Variants in HYCC1 observed in about 807,000 individuals in gnomAD.
The protein encoded by HYCC1 is hyccin PI4KA lipid kinase complex subunit 1.
chr7:22,964,436 A>C, the HYCC1 span: 2 of 1,594,904 alleles, frequency 1.3e-6, no homozygotes, highest in South Asian at 2.2e-5. Context: ...AATCCCTGTT[A>C]ACATTTGCAC....
the HYCC1 span, among the ~76,000 whole-genome samples, chr7:23,002,134 T>TTG: frequency 8.6e-5 from 8 of 93,244 alleles, no homozygotes; most frequent in African/African-American, 1.7e-4. Flanking sequence ...ATGGTAAAAA[T>TTG]TGTATATATA....
chr7:22,946,873 G>C, the HYCC1 span: 1 of 1,135,526 alleles, frequency 8.8e-7, no homozygotes, highest in Non-Finnish European at 1.2e-6. Context: ...TCATGCATTT[G>C]GATTAGATTA....
chr7:22,944,826 C>T, the HYCC1 span: 12 of 152,430 alleles, frequency 7.9e-5, no homozygotes, highest in African/African-American at 2.9e-4. Flanking sequence ...GGGATCTTCA[C>T]ATGCTAAATC....
the HYCC1 span, chr7:22,935,806 T>C: frequency 6.6e-6 from 1 of 151,744 alleles, no homozygotes; most frequent in African/African-American, 2.4e-5. Flanking sequence ...CTACCAGACC[T>C]GGCTAATTTT....
At chr7:22,904,997 G>C in the HYCC1 span, among the ~76,000 whole-genome samples, 1 of 152,106 alleles carries the variant, frequency 6.6e-6, no homozygotes, top group Admixed American at 6.5e-5. Context: ...AATCGTGGTA[G>C]AAGGAGAAAG....
the HYCC1 span, among the ~76,000 whole-genome samples, chr7:22,925,944 T>C: frequency 6.6e-6 from 1 of 152,112 alleles, no homozygotes; most frequent in Non-Finnish European, 1.5e-5. Flanking sequence ...AAGGTCGGGT[T>C]ACCCACAAAG....
the HYCC1 span, among the ~76,000 whole-genome samples, chr7:22,952,566 A>C: frequency 1.3e-5 from 2 of 152,030 alleles, no homozygotes; most frequent in African/African-American, 4.8e-5. Context: ...AGGATCACAT[A>C]TGCCATAGCA....
chr7:22,972,068 G>A, the HYCC1 span, among the ~76,000 whole-genome samples: 2 of 152,222 alleles, frequency 1.3e-5, no homozygotes, highest in South Asian at 4.2e-4. Context: ...TACAGTCATA[G>A]CAAACAGGTG....
chr7:23,004,899 G>A, the HYCC1 span, among the ~76,000 whole-genome samples: 57 of 152,078 alleles, frequency 3.7e-4, no homozygotes, highest in Non-Finnish European at 6.8e-4. Context: ...AGTGCCTCCC[G>A]GGTTCAAGCG....
chr7:22,946,472 C>T, the HYCC1 span, among the ~76,000 whole-genome samples: 5 of 151,950 alleles, frequency 3.3e-5, no homozygotes, highest in South Asian at 2.1e-4. Flanking sequence ...AGAAATATCA[C>T]GCAGTAAAAC....
At chr7:22,925,055 G>C in the HYCC1 span, among the ~76,000 whole-genome samples, 1 of 152,178 alleles carries the variant, frequency 6.6e-6, no homozygotes, top group Non-Finnish European at 1.5e-5. Flanking sequence ...CACCGCTGCT[G>C]ATACCCAGGC....
chr7:22,917,118 G>T, the HYCC1 span, among the ~76,000 whole-genome samples: 1 of 152,124 alleles, frequency 6.6e-6, no homozygotes, highest in Non-Finnish European at 1.5e-5. Flanking sequence ...AGCTAAAAAA[G>T]CAGCTAGCAT....
the HYCC1 span, among the ~76,000 whole-genome samples, chr7:22,969,509 T>G: frequency 7.3e-6 from 1 of 137,392 alleles, no homozygotes; most frequent in Non-Finnish European, 1.6e-5. Flanking sequence ...TACAAAAATT[T>G]GGGTGTTTTT....
the HYCC1 span, chr7:22,977,511 G>C: frequency 4.1e-6 from 3 of 735,734 alleles, no homozygotes; most frequent in Non-Finnish European, 6.8e-6. Flanking sequence ...ACATTTTTTT[G>C]AAAAAGACCT....
the HYCC1 span, chr7:22,947,369 T>C: frequency 4.2e-6 from 3 of 708,662 alleles, no homozygotes; most frequent in East Asian, 2.7e-5. Flanking sequence ...AGCCAAATAT[T>C]TGCACTGTAG....
the HYCC1 span, among the ~76,000 whole-genome samples, chr7:22,897,028 G>T: frequency 2.3e-4 from 35 of 152,216 alleles, no homozygotes; most frequent in Admixed American, 1.6e-3. Context: ...GAAGGGCAGA[G>T]AGTGAAGGAG....
chr7:22,909,574 T>C, the HYCC1 span, among the ~76,000 whole-genome samples: 71 of 152,348 alleles, frequency 4.7e-4, no homozygotes, highest in African/African-American at 1.7e-3. Flanking sequence ...GCGTGACTGC[T>C]TCTAGTGAGT....
the HYCC1 span, among the ~76,000 whole-genome samples, chr7:22,982,989 C>G: frequency 6.6e-6 from 1 of 151,986 alleles, no homozygotes; most frequent in Non-Finnish European, 1.5e-5. Context: ...GTAGGATTTA[C>G]AAGCAGCAGA....
chr7:22,901,426 C>T, the HYCC1 span, among the ~76,000 whole-genome samples: 1 of 151,882 alleles, frequency 6.6e-6, no homozygotes, highest in African/African-American at 2.4e-5. Flanking sequence ...TGTAAACACA[C>T]CAATTAGAAG....
Sources: allele counts gnomAD v4.1 joint callset (sites outside exome capture counted in the v4.1 genomes callset), GRCh38; gene constraint gnomAD v4.1.1; transcripts MANE v1.5; gene names NCBI Gene and HGNC (gene_info 2026-07-23, HGNC 2026-07-21).